Variants in ITGA5 observed in about 807,000 individuals in gnomAD.
ITGA5 encodes integrin subunit alpha 5.
In ITGA5, 55 loss-of-function variants were observed where a neutral mutation model predicts 146.3. That is an observed-to-expected ratio of 0.38 (90% CI 0.30 to 0.47). The LOEUF is 0.47. Ranked by LOEUF, ITGA5 falls within the 20% of genes least tolerant of loss-of-function variation. ITGA5 has a pLI of 0.99. For missense variants in ITGA5, 1,131 were observed against 1,329.0 expected, an observed-to-expected ratio of 0.85 and a Z score of 2.32; for synonymous variants, 500 against 531.8, an observed-to-expected ratio of 0.94 and a Z score of 0.82.
rs946396162 is a variant in ITGA5, at chr12:54,400,702, GTAACTTTGGGCC to G, written c.2643+132_2643+143del. 13 of 694,814 alleles carry G rather than the reference GTAACTTTGGGCC, an allele frequency of 1.9e-5. No homozygotes were observed. The African/African-American group carries it at 2.2e-4, about 12-fold the overall frequency. 43.0% of individuals were successfully genotyped at this position (694,814 alleles called of 1,614,324 possible). Reference sequence around the variant, plus strand: ...CCTTTTTCCTCCAGAGGATTTTGAGGTAACTTTGGGCCTTGTGACCCTCAACCCTAGCTATAG... The same window carrying G: ...CCTTTTTCCTCCAGAGGATTTTGAGGTTGTGACCCTCAACCCTAGCTATAG... On this transcript the variant is annotated intron_variant, in intron 25 of 29. Coordinates refer to ENST00000293379, the MANE Select transcript of ITGA5 (RefSeq NM_002205.5).
intron 7 of ITGA5, 52 bp from the exon 8 acceptor site, chr12:54,407,928 G>C: frequency 6.5e-7 from 1 of 1,545,340 alleles, no homozygotes; most frequent in Non-Finnish European, 8.8e-7. Flanking sequence ...GGACCCCTCT[G>C]CTCTGGCCTA....
chr12:54,411,208 C>G (rs1028957308), intron 2 of ITGA5, among the ~76,000 whole-genome samples: 1 of 152,256 alleles, frequency 6.6e-6, no homozygotes, highest in Non-Finnish European at 1.5e-5. Context: ...TTCATATCCT[C>G]TCTCCAATGT....
In ITGA5 at chr12:54,403,121, T is replaced by C; in HGVS notation, c.1914+66A>G. 1.2e-6 allele frequency: 2 copies of C among 1,605,562 alleles called. No homozygotes were observed. Among genetic ancestry groups the C allele is most frequent in the South Asian group, 1.1e-5 (1 of 90,052 alleles). On this transcript the variant is annotated intron_variant, in intron 18 of 29. Transcript: ENST00000293379. The surrounding 1 kb of genome is among the most constrained non-coding windows in gnomAD (Gnocchi z 4.9). ...TGGGCTGTAGGCTCTTCTCTTTCCA[T>C]GGCCCTGCCCCCCCAATACCCAGGC...
chr12:54,418,981 C>T lies in ITGA5; in HGVS notation c.218G>A (p.Gly73Glu), dbSNP rs986381316. 6.2e-7 allele frequency: 1 copy of T among 1,611,004 alleles called. No individual in the cohort carries two copies. The highest frequency in any genetic ancestry group is 8.5e-7 in the Non-Finnish European group (1 of 1,179,266). The change falls in exon 1 of 30, where the codon GGG (glycine) becomes GAG (glutamate). Residue 73 changes from glycine to glutamate, a missense_variant and splice_region_variant. Transcript: ENST00000293379. ...SVEFYRPGTDGVSVLVGAPKA... is the reference protein window; with the variant it reads ...SVEFYRPGTDEVSVLVGAPKA... ...CCCGTCTCCAGCCCTCCTCACTCAC[C>T]CGTCTGTTCCCGGCCGGTAAAACTC...
intron 1 of ITGA5, chr12:54,412,346 AGGTCCTGT>A: frequency 6.2e-6 from 1 of 161,514 alleles, no homozygotes; most frequent in Admixed American, 6.4e-5. Context: ...TGGAGCGCCA[AGGTCCTGT>A]GGAGCCTCAG....
intron 9 of ITGA5, 89 bp from the exon 10 acceptor site, chr12:54,406,015 A>G (rs1955862153): frequency 2.5e-6 from 3 of 1,195,968 alleles, no homozygotes; most frequent in Non-Finnish European, 3.7e-6. Context: ...ACCCAGGGGC[A>G]GGCATTCCTT....
chr12:54,406,074 A>G (rs2120520143), intron 9 of ITGA5, 148 bp from the exon 10 acceptor site: 1 of 696,908 alleles, frequency 1.4e-6, no homozygotes, highest in Non-Finnish European at 2.6e-6. Flanking sequence ...TTGCCCTCAT[A>G]TTCCCACCTC....
intron 6 of ITGA5, 44 bp downstream of exon 6, chr12:54,408,709 CAAA>C (rs762766669): frequency 0.02 from 22,378 of 1,144,856 alleles, no homozygotes; most frequent in Non-Finnish European, 0.021. Context: ...GACTTCGTCT[CAAA>C]AAAAAAAAAA....
intron 27 of ITGA5, 38 bp downstream of exon 27, chr12:54,399,607 A>G: frequency 6.7e-7 from 1 of 1,499,754 alleles, no homozygotes; most frequent in Non-Finnish European, 9.3e-7. Flanking sequence ...AAGCAGGCCC[A>G]AAGGTCAGGG....
chr12:54,418,999 T>C lies in ITGA5; in HGVS notation c.200A>G (p.Tyr67Cys), dbSNP rs1159807796. The change falls in exon 1 of 30, where the codon TAC (tyrosine) becomes TGC (cysteine). Residue 67 changes from tyrosine to cysteine, a missense_variant. By Grantham distance (194) the Tyr-to-Cys change is radical (BLOSUM62 -2). This residue lies in a region of ITGA5 where 175 missense variants were observed against 179.3 expected (regional missense o/e 0.98). Transcript: ENST00000293379. The part of the protein sequence containing the change: ...GSFFGFSVEF[Y>C]RPGTDGVSVL... ...CACTCACCCGTCTGTTCCCGGCCGG[T>C]AAAACTCCACTGAGAATCCGAAGAA... 1.3e-6 allele frequency: 2 copies of C among 1,555,514 alleles called. No homozygotes were observed. Among genetic ancestry groups the C allele is most frequent in the Non-Finnish European group, 1.7e-6 (2 of 1,148,170 alleles).
At chr12:54,407,769 G>T in intron 8 of ITGA5, 63 bp downstream of exon 8, 4 of 1,603,748 alleles carry the variant, frequency 2.5e-6, no homozygotes, top group Non-Finnish European at 8.5e-7. Flanking sequence ...AAGTTCATGG[G>T]CTCTCTGGCC....
rs368733605 is a variant in ITGA5, at chr12:54,406,192, T to C, written c.907-266A>G. 90 of 538,124 alleles carry C rather than the reference T, an allele frequency of 1.7e-4. 1 individual carries two copies. In the South Asian group the frequency reaches 1.9e-3, roughly 11 times the overall value. 33.3% of individuals were successfully genotyped at this position (538,124 alleles called of 1,614,324 possible). A position where few individuals can be genotyped will look rare whatever the true frequency, so the allele number is the denominator to read the frequency against. On this transcript the variant is annotated intron_variant, in intron 9 of 29. Transcript: ENST00000293379. ...CTGTTCGTTGTCCCTCTCTACCCAC[T>C]AGAATGTAAGATCAATAGGGGCAGG...
In ITGA5 at chr12:54,401,875, A is replaced by G. The variant is rs764774554; in HGVS notation, c.2227-20T>C. On this transcript the variant is annotated intron_variant, in intron 21 of 29. Coordinates refer to ENST00000293379, the MANE Select transcript of ITGA5 (RefSeq NM_002205.5). The surrounding 1 kb of genome is among the most constrained non-coding windows in gnomAD (Gnocchi z 5.0). Reference sequence around the variant, plus strand: ...CCACAGCTGGGGACAGAAAAAGAGGAAAAGAGGGCAGTTAGACTGTGTATT... The same window carrying G: ...CCACAGCTGGGGACAGAAAAAGAGGGAAAGAGGGCAGTTAGACTGTGTATT... The G allele has an allele frequency of 3.7e-6, 6 of 1,612,238 alleles. No homozygotes were observed. In the South Asian group the frequency reaches 4.4e-5, roughly 12 times the overall value.
In ITGA5 at chr12:54,403,545, CT is replaced by C; in HGVS notation, c.1776+79del. On this transcript the variant is annotated intron_variant, in intron 17 of 29. Coordinates refer to ENST00000293379, the MANE Select transcript of ITGA5 (RefSeq NM_002205.5). The surrounding 1 kb of genome is among the most constrained non-coding windows in gnomAD (Gnocchi z 4.9). ...AAGCCCTTCACTGGAGTCCCCCAGT[CT>C]TTTTCCCTTCAGGAGGTGCCCTCAG... The C allele has an allele frequency of 2.0e-6, 3 of 1,491,694 alleles. No individual in the cohort carries two copies. Among genetic ancestry groups the C allele is most frequent in the East Asian group, 2.3e-5 (1 of 43,862 alleles). 92.4% of individuals were successfully genotyped at this position (1,491,694 alleles called of 1,614,324 possible). A position where few individuals can be genotyped will look rare whatever the true frequency, so the allele number is the denominator to read the frequency against.
intron 2 of ITGA5, among the ~76,000 whole-genome samples, chr12:54,411,474 A>C (rs902094487): frequency 6.6e-5 from 10 of 152,198 alleles, no homozygotes; most frequent in Non-Finnish European, 1.0e-4. Flanking sequence ...GCACCAGCAC[A>C]GTGCCTGTCA....
At chr12:54,398,739 G>T in intron 27 of ITGA5, 41 bp from the exon 28 acceptor site, 1 of 1,381,126 alleles carries the variant, frequency 7.2e-7, no homozygotes, top group Non-Finnish European at 1.0e-6. Flanking sequence ...CCTCTCTTGG[G>T]ATCCAGAGGA....
Position 54,409,188 on chromosome 12 carries a change from T to C in ITGA5, c.583+44A>G, listed in dbSNP as rs761718518. ...CTAAGTATGTGAGACACTTCAAGTA[T>C]ATGAGAAGGCAGACATGGGGCACAG... is the stretch of plus-strand genomic sequence containing the variant. On this transcript the variant is annotated intron_variant, in intron 4 of 29. Coordinates refer to ENST00000293379, the MANE Select transcript of ITGA5 (RefSeq NM_002205.5). This position sits in a 1 kb window ranked among gnomAD's most constrained non-coding sequence, Gnocchi z 4.7. 1.3e-6 allele frequency: 2 copies of C among 1,586,058 alleles called. No homozygotes were observed. The highest frequency in any genetic ancestry group is 1.7e-6 in the Non-Finnish European group (2 of 1,168,558).
chr12:54,408,682 C>T, intron 6 of ITGA5, 74 bp downstream of exon 6: 1 of 1,410,178 alleles, frequency 7.1e-7, no homozygotes, highest in Non-Finnish European at 9.7e-7. Context: ...TGCACTCCAG[C>T]CTGGGTGACA....
Position 54,404,566 on chromosome 12 carries a change from T to C in ITGA5, c.1418-91A>G, listed in dbSNP as rs943475891. The C allele has an allele frequency of 3.3e-6, 5 of 1,534,032 alleles. No homozygotes were observed. The African/African-American group carries it at 4.1e-5, about 13-fold the overall frequency. On this transcript the variant is annotated intron_variant, in intron 13 of 29. Coordinates refer to ENST00000293379, the MANE Select transcript of ITGA5 (RefSeq NM_002205.5). ...CTCCTGGTTTCAACGCTCAGGGAGG[T>C]TGAAGTGAGAAGACAGCGCCCTCTG...
Sources: allele counts gnomAD v4.1 joint callset (sites outside exome capture counted in the v4.1 genomes callset), GRCh38; gene constraint gnomAD v4.1.1; regional missense constraint gnomAD v4.1.1; non-coding constraint Gnocchi (gnomAD v3.1); transcripts MANE v1.5; gene names NCBI Gene and HGNC (gene_info 2026-07-23, HGNC 2026-07-21).